The following CACNA1E variants were observed in gnomAD, a reference collection of about 807,000 sequenced individuals.
CACNA1E encodes the protein calcium voltage-gated channel subunit alpha1 E, also known as voltage-dependent R-type calcium channel subunit alpha-1E.
A neutral mutation model predicts 259.2 loss-of-function variants in CACNA1E; 40 were observed. That is an observed-to-expected ratio of 0.15 (90% CI 0.12 to 0.20). The LOEUF (loss-of-function observed/expected upper bound fraction) is 0.20. Ranked by LOEUF, CACNA1E falls within the 10% of genes least tolerant of loss-of-function variation. The pLI is 1.00. For synonymous variants in CACNA1E, 1,104 were observed against 1,138.5 expected, an observed-to-expected ratio of 0.97 and a Z score of 0.61; for missense variants, 1,874 against 3,040.1, an observed-to-expected ratio of 0.62 and a Z score of 9.02.
intron 3 of CACNA1E, among the ~76,000 whole-genome samples, chr1:181,513,526 AT>A (rs1558074452): frequency 6.6e-6 from 1 of 152,194 alleles, no homozygotes; most frequent in African/African-American, 2.4e-5. Flanking sequence ...TGGATATCAC[AT>A]TTTATGAGAC....
At chr1:181,536,283 T>G (rs1272898136) in intron 3 of CACNA1E, among the ~76,000 whole-genome samples, 2 of 152,178 alleles carry the variant, frequency 1.3e-5, no homozygotes, top group Admixed American at 6.5e-5. Context: ...TGGAATTTCT[T>G]CCCTCTATTT....
intron 3 of CACNA1E, among the ~76,000 whole-genome samples, chr1:181,577,121 A>G (rs950028407): frequency 3.3e-5 from 5 of 152,208 alleles, no homozygotes; most frequent in African/African-American, 1.2e-4. Flanking sequence ...AGAATTATGG[A>G]TTTGTATGTG....
upstream of CACNA1E, among the ~76,000 whole-genome samples, chr1:181,479,430 T>G (rs1173536515): frequency 6.6e-6 from 1 of 152,212 alleles, no homozygotes; most frequent in African/African-American, 2.4e-5. Flanking sequence ...CAATCAGAGT[T>G]ATGACTAATT....
intron 18 of CACNA1E, among the ~76,000 whole-genome samples, chr1:181,728,645 G>A (rs1016231901): frequency 5.3e-5 from 8 of 152,000 alleles, no homozygotes; most frequent in Non-Finnish European, 2.9e-5. Flanking sequence ...ACATTGCTTA[G>A]GTGTGTGTGT....
intron 2 of CACNA1E, among the ~76,000 whole-genome samples, chr1:181,466,336 A>T (rs12561814): frequency 0.32 from 48,045 of 151,802 alleles, 7,775 homozygotes; most frequent in African/African-American, 0.35. Context: ...TGAAGCCAGG[A>T]GTTTGAGAAC....
chr1:181,332,623 G>A (rs1353238489), intron 1 of CACNA1E, among the ~76,000 whole-genome samples: 3 of 152,178 alleles, frequency 2.0e-5, no homozygotes, highest in African/African-American at 4.8e-5. Flanking sequence ...TCCAGAAAAA[G>A]TCTTCTAGTT....
At chr1:181,731,889 C>T (rs907754928) in intron 19 of CACNA1E, among the ~76,000 whole-genome samples, 6 of 152,060 alleles carry the variant, frequency 3.9e-5, no homozygotes, top group South Asian at 4.2e-4. Context: ...GCCTGGCACT[C>T]TTCTTACCCT....
chr1:181,796,468 C>A (rs1252853801), intron 46 of CACNA1E, among the ~76,000 whole-genome samples, 200 bp from the exon 47 acceptor site: 5 of 152,170 alleles, frequency 3.3e-5, no homozygotes, highest in African/African-American at 1.2e-4. Flanking sequence ...GGAGGCCCCA[C>A]CCTCATGCCC....
intron 1 of CACNA1E, among the ~76,000 whole-genome samples, chr1:181,320,219 G>C (rs1314486006): frequency 2.6e-5 from 4 of 152,218 alleles, no homozygotes; most frequent in African/African-American, 9.6e-5. Flanking sequence ...GAGTGTGAGA[G>C]AGAAGGAAGA....
chr1:181,593,543 C>G (rs1355357027), intron 6 of CACNA1E, among the ~76,000 whole-genome samples: 1 of 152,066 alleles, frequency 6.6e-6, no homozygotes, highest in Non-Finnish European at 1.5e-5. Context: ...TGTTTCAGAA[C>G]TTTTTTTCTT....
At chr1:181,481,244 C>T (rs1359960403), upstream of CACNA1E, among the ~76,000 whole-genome samples, 1 of 152,134 alleles carries the variant, frequency 6.6e-6, no homozygotes, top group Non-Finnish European at 1.5e-5. Context: ...GAAATGGGCT[C>T]CCCTGAATCC....
intron 3 of CACNA1E, among the ~76,000 whole-genome samples, chr1:181,561,628 CT>C (rs1284462280): frequency 6.6e-6 from 1 of 152,124 alleles, no homozygotes; most frequent in Non-Finnish European, 1.5e-5. Context: ...GTTCATTTCT[CT>C]TTATTTCTGC....
intron 6 of CACNA1E, among the ~76,000 whole-genome samples, chr1:181,611,322 C>T (rs1261408476): frequency 6.6e-6 from 1 of 152,040 alleles, no homozygotes; most frequent in African/African-American, 2.4e-5. Flanking sequence ...TGACTATGTG[C>T]TAGGTACCAT....
intron 18 of CACNA1E, among the ~76,000 whole-genome samples, chr1:181,726,506 T>C (rs556529487): frequency 6.6e-6 from 1 of 152,218 alleles, no homozygotes; most frequent in African/African-American, 2.4e-5. Flanking sequence ...AGTGTGTAGA[T>C]GACAGTCATG....
At chr1:181,770,067 A>C (rs986327053) in intron 35 of CACNA1E, among the ~76,000 whole-genome samples, 3 of 152,198 alleles carry the variant, frequency 2.0e-5, no homozygotes, top group African/African-American at 7.2e-5. Context: ...AAATTCCCAG[A>C]GCAGGTGTCA....
At chr1:181,408,704 C>A (rs1657636105) in intron 1 of CACNA1E, among the ~76,000 whole-genome samples, 1 of 152,216 alleles carries the variant, frequency 6.6e-6, no homozygotes, top group Non-Finnish European at 1.5e-5. Flanking sequence ...TTTAAAATCA[C>A]ACCCTCTGCT....
intron 25 of CACNA1E, among the ~76,000 whole-genome samples, chr1:181,741,582 G>A (rs1326396581): frequency 6.6e-6 from 1 of 152,224 alleles, no homozygotes; most frequent in Admixed American, 6.5e-5. Flanking sequence ...ATGCCCGTGT[G>A]CCTGGTAACC....
At chr1:181,370,191 G>C (rs1407312440) in intron 1 of CACNA1E, among the ~76,000 whole-genome samples, 1 of 151,632 alleles carries the variant, frequency 6.6e-6, no homozygotes, top group African/African-American at 2.4e-5. Flanking sequence ...CACTGTGTTA[G>C]TGTTGCCTTC....
At chr1:181,490,878 A>G (rs1664258319) in intron 1 of CACNA1E, among the ~76,000 whole-genome samples, 1 of 104,712 alleles carries the variant, frequency 9.6e-6, no homozygotes, top group Non-Finnish European at 2.1e-5. Context: ...TGGAGCCTTG[A>G]TGATACTCAG....
Sources: gnomAD v4.1 joint callset for allele counts (sites outside exome capture counted in the v4.1 genomes callset) on GRCh38, gnomAD v4.1.1 for gene constraint, MANE v1.5 for transcripts, NCBI Gene and HGNC (gene_info 2026-07-23, HGNC 2026-07-21) for gene names.